Variants in CCDC192 observed in about 807,000 individuals in gnomAD.
The protein encoded by CCDC192 is coiled-coil domain-containing protein 192.
At chr5:127,723,645 G>A in intron 2 of CCDC192, among the ~76,000 whole-genome samples, 1 of 152,202 alleles carries the variant, frequency 6.6e-6, no homozygotes. Flanking sequence ...GGTTAGGACA[G>A]TTACTTAATC....
At chr5:127,799,765 A>C (rs1164713311) in intron 5 of CCDC192, among the ~76,000 whole-genome samples, 3 of 152,150 alleles carry the variant, frequency 2.0e-5, no homozygotes, top group Non-Finnish European at 4.4e-5. Context: ...ACTTGTCTGA[A>C]CTAGAATTGC....
intron 5 of CCDC192, among the ~76,000 whole-genome samples, chr5:127,828,522 C>A (rs551643640): frequency 8.5e-5 from 13 of 152,310 alleles, no homozygotes; most frequent in South Asian, 4.1e-4. Context: ...CACATAGTGA[C>A]AAACAACATG....
At chr5:127,752,449 T>C (rs1270932415) in intron 2 of CCDC192, among the ~76,000 whole-genome samples, 2 of 152,234 alleles carry the variant, frequency 1.3e-5, no homozygotes, top group Admixed American at 6.5e-5. Context: ...AGGGACCCAC[T>C]TGAGGAGGCA....
At chr5:127,785,123 G>T in intron 3 of CCDC192, 1 of 521,486 alleles carries the variant, frequency 1.9e-6, no homozygotes, top group South Asian at 1.4e-5. Flanking sequence ...ATTGCCGTCT[G>T]GAATGTGGAT....
At chr5:127,874,023 C>T (rs550928768) in intron 5 of CCDC192, among the ~76,000 whole-genome samples, 2 of 152,290 alleles carry the variant, frequency 1.3e-5, no homozygotes, top group African/African-American at 2.4e-5. Context: ...GAAGGGAATT[C>T]ATTAGAAGGT....
intron 2 of CCDC192, among the ~76,000 whole-genome samples, chr5:127,719,968 C>A (rs974407889): frequency 6.6e-6 from 1 of 152,050 alleles, no homozygotes; most frequent in Non-Finnish European, 1.5e-5. Flanking sequence ...CATTGGGGAT[C>A]ACAATTCAAC....
At chr5:127,772,685 T>C (rs1227788254) in intron 3 of CCDC192, among the ~76,000 whole-genome samples, 1 of 152,104 alleles carries the variant, frequency 6.6e-6, no homozygotes, top group African/African-American at 2.4e-5. Context: ...CTCTATATAT[T>C]GCATACCCGT....
At chr5:127,743,440 C>T (rs1214794703) in intron 2 of CCDC192, among the ~76,000 whole-genome samples, 1 of 152,184 alleles carries the variant, frequency 6.6e-6, no homozygotes, top group Non-Finnish European at 1.5e-5. Flanking sequence ...ATACATTCTT[C>T]ATTTAAAGAT....
At chr5:127,881,012 C>T (rs1438284999) in intron 6 of CCDC192, among the ~76,000 whole-genome samples, 1 of 152,018 alleles carries the variant, frequency 6.6e-6, no homozygotes, top group African/African-American at 2.4e-5. Context: ...TACATACATA[C>T]AGTGTAATAC....
At chr5:127,804,650 ATTC>A (rs1268174320) in intron 5 of CCDC192, among the ~76,000 whole-genome samples, 1 of 152,174 alleles carries the variant, frequency 6.6e-6, no homozygotes, top group Admixed American at 6.5e-5. Flanking sequence ...AGAACCCATC[ATTC>A]TTCTTTTATC....
At chr5:127,866,959 A>G (rs1461932147) in intron 5 of CCDC192, among the ~76,000 whole-genome samples, 3 of 152,162 alleles carry the variant, frequency 2.0e-5, no homozygotes, top group African/African-American at 4.8e-5. Context: ...TCCTCTTATG[A>G]TAATTTTCCT....
At chr5:127,727,957 A>G (rs767841428) in intron 2 of CCDC192, among the ~76,000 whole-genome samples, 4 of 152,218 alleles carry the variant, frequency 2.6e-5, no homozygotes, top group Non-Finnish European at 4.4e-5. Context: ...CTGGAAGACT[A>G]TCTTGCTGAA....
intron 5 of CCDC192, among the ~76,000 whole-genome samples, chr5:127,863,483 T>A (rs1013283942): frequency 6.6e-6 from 1 of 152,198 alleles, no homozygotes; most frequent in Non-Finnish European, 1.5e-5. Flanking sequence ...ATTCCACTTA[T>A]ATGAGGTACC....
intron 6 of CCDC192, among the ~76,000 whole-genome samples, chr5:127,888,416 A>C (rs1752636909): frequency 1.3e-5 from 2 of 152,078 alleles, no homozygotes; most frequent in Non-Finnish European, 2.9e-5. Flanking sequence ...ACTCTGGCTC[A>C]AACAAACAAA....
chr5:127,788,640 T>C (rs1289821172), intron 3 of CCDC192, among the ~76,000 whole-genome samples: 1 of 152,216 alleles, frequency 6.6e-6, no homozygotes, highest in African/African-American at 2.4e-5. Context: ...TGATATTTTC[T>C]AGTGTTCCAT....
intron 2 of CCDC192, among the ~76,000 whole-genome samples, chr5:127,711,149 G>A (rs906793632): frequency 2.0e-5 from 3 of 152,148 alleles, no homozygotes; most frequent in Non-Finnish European, 4.4e-5. Context: ...AATAAGCAAT[G>A]TAAAACATAT....
intron 5 of CCDC192, among the ~76,000 whole-genome samples, chr5:127,842,604 C>A (rs1182728902): frequency 6.6e-6 from 1 of 152,192 alleles, no homozygotes; most frequent in Non-Finnish European, 1.5e-5. Context: ...GTCCTACTTT[C>A]AAAAGCAGTT....
At chr5:127,832,511 G>A (rs1749847961) in intron 5 of CCDC192, among the ~76,000 whole-genome samples, 2 of 152,018 alleles carry the variant, frequency 1.3e-5, no homozygotes, top group African/African-American at 4.8e-5. Context: ...CTGTGATAAA[G>A]GCATATGTAA....
chr5:127,853,233 TC>T (rs778291022), intron 5 of CCDC192, among the ~76,000 whole-genome samples: 1 of 152,218 alleles, frequency 6.6e-6, no homozygotes, highest in Non-Finnish European at 1.5e-5. Context: ...CCAGGGACTA[TC>T]TATGCCCCAT....
Sources: allele counts gnomAD v4.1 joint callset (sites outside exome capture counted in the v4.1 genomes callset), GRCh38; gene constraint gnomAD v4.1.1; transcripts MANE v1.5; gene names NCBI Gene and HGNC (gene_info 2026-07-23, HGNC 2026-07-21).